Variants in FGD6 observed in about 807,000 individuals in gnomAD.
FGD6 encodes FYVE, RhoGEF and PH domain containing 6.
FGD6 carries 90 observed loss-of-function variants against 149.4 expected under a neutral mutation model. The observed-to-expected ratio is 0.60, with a 90% CI of 0.51 to 0.72. The LOEUF (loss-of-function observed/expected upper bound fraction) is 0.72. Ranked by LOEUF, FGD6 falls within the 30% of genes least tolerant of loss-of-function variation. The probability of loss-of-function intolerance (pLI) is 0.00; values close to 1 mark genes in which losing one functional copy is unlikely to be tolerated. For synonymous variants in FGD6, 527 were observed against 584.0 expected (o/e 0.90, Z 1.41); for missense variants, 1,437 against 1,684.8 (o/e 0.85, Z 2.57).
intron 8 of FGD6, among the ~76,000 whole-genome samples, chr12:95,121,471 ATATATATATG>A (rs1197374479): frequency 3.5e-4 from 22 of 62,948 alleles, no homozygotes; most frequent in South Asian, 1.9e-3. Context: ...AAAGATATAT[ATATATATATG>A]TATATATATA....
At chr12:95,104,418 T>C (rs1466711637) in intron 14 of FGD6, among the ~76,000 whole-genome samples, 5 of 151,938 alleles carry the variant, frequency 3.3e-5, no homozygotes, top group Admixed American at 1.3e-4. Context: ...GGGGAACATA[T>C]GGAGACCCCA....
Position 95,210,560 on chromosome 12 carries a change from G to C in FGD6, c.724C>G (p.His242Asp), listed in dbSNP as rs1279338894. 1.2e-6 allele frequency: 2 copies of C among 1,614,140 alleles called. No homozygotes were observed. Among genetic ancestry groups the C allele is most frequent in the Admixed American group, 3.3e-5 (2 of 60,014 alleles). ...FEKVPDHHSCHLQLPSDECEH... is the reference protein window; with the variant it reads ...FEKVPDHHSCDLQLPSDECEH... ...CATTCATCACTAGGAAGCTGTAAGT[G>C]GCAACTGTGATGATCAGGAACTTTT... The change falls in exon 2 of 21, where the codon CAC becomes GAC. Residue 242 changes from histidine (H) to aspartate (D), a missense_variant. This residue lies in a region of FGD6 where 1,055 missense variants were observed against 1,146.0 expected (regional missense o/e 0.92). Coordinates refer to ENST00000343958, the MANE Select transcript of FGD6 (RefSeq NM_018351.4).
At chr12:95,203,550 TAAG>T (rs2056674118) in intron 2 of FGD6, among the ~76,000 whole-genome samples, 1 of 152,196 alleles carries the variant, frequency 6.6e-6, no homozygotes. Flanking sequence ...AGGGTACAAC[TAAG>T]AAAAAGACAA....
intron 20 of FGD6, 64 bp from the exon 21 acceptor site, chr12:95,081,620 AG>A: frequency 8.8e-7 from 1 of 1,136,052 alleles, no homozygotes. Context: ...AACACCATAT[AG>A]ATGACAGCTG....
At chr12:95,185,396 A>G (rs936758939) in intron 2 of FGD6, among the ~76,000 whole-genome samples, 8 of 152,190 alleles carry the variant, frequency 5.3e-5, no homozygotes, top group African/African-American at 1.7e-4. Flanking sequence ...CAGGATCACA[A>G]ACATTTATCA....
intron 2 of FGD6, among the ~76,000 whole-genome samples, chr12:95,175,982 G>A (rs1230469661): frequency 6.6e-6 from 1 of 151,944 alleles, no homozygotes; most frequent in Non-Finnish European, 1.5e-5. Context: ...GAAAGATAAT[G>A]GTTTAGCAGC....
intron 15 of FGD6, among the ~76,000 whole-genome samples, chr12:95,093,340 G>A (rs1406536438): frequency 6.6e-6 from 1 of 152,150 alleles, no homozygotes; most frequent in Non-Finnish European, 1.5e-5. Flanking sequence ...AAGGTCAGGA[G>A]ATGAAGACCA....
chr12:95,210,009 A>C lies in FGD6; in HGVS notation c.1275T>G (p.Ser425Arg), dbSNP rs1469682126. The C allele has an allele frequency of 1.2e-6, 2 of 1,613,276 alleles. No individual in the cohort carries two copies. Among genetic ancestry groups the C allele is most frequent in the African/African-American group, 2.7e-5 (2 of 74,836 alleles). The change falls in exon 2 of 21, where the codon AGT becomes AGG. Residue 425 changes from serine (S) to arginine (R), a missense_variant. Physicochemically the swap from Ser to Arg is moderately radical, Grantham distance 110. Around this residue, in one of 2 missense-constraint regions of FGD6, gnomAD observed 1,055 missense variants for 1,146.0 expected, o/e 0.92. Coordinates refer to ENST00000343958, the MANE Select transcript of FGD6 (RefSeq NM_018351.4). Reference sequence around the variant, plus strand: ...AACCATCTACAGTTGTGCTGTCAGAACTCAAATTAGAGTCTTTATCAAAAG... The same window carrying C: ...AACCATCTACAGTTGTGCTGTCAGACCTCAAATTAGAGTCTTTATCAAAAG... ...APSFDKDSNLSSDSTTVDGSS... is the reference protein window; with the variant it reads ...APSFDKDSNLRSDSTTVDGSS...
At position 95,092,735 on chromosome 12, in the gene FGD6, G is replaced by A. The variant is rs771617224; in HGVS notation, c.3711C>T (p.Leu1237=). The A allele has an allele frequency of 5.0e-6, 8 of 1,613,998 alleles. No individual in the cohort carries two copies. The Admixed American group carries it at 1.3e-4, about 27-fold the overall frequency. ...CCCGGCAGTGGTGTCGTCTCCAGGT[G>A]AGAGTGAATTCGCTTGTGCAGATCA... ...MCMICTSEFT[L]TWRRHHCRAC... Residue 1237 remains leucine (L), a synonymous_variant, in exon 16 of 21, where the codon CTC becomes CTT. Coordinates refer to ENST00000343958, the MANE Select transcript of FGD6 (RefSeq NM_018351.4).
chr12:95,139,639 T>C (rs1262272477), intron 6 of FGD6, among the ~76,000 whole-genome samples: 1 of 150,510 alleles, frequency 6.6e-6, no homozygotes, highest in Non-Finnish European at 1.5e-5. Flanking sequence ...CCCAGCCAGT[T>C]ATATTTTATT....
chr12:95,214,861 CTTTTTTTTTTTTT>C (rs1171146305), intron 1 of FGD6, among the ~76,000 whole-genome samples: 1 of 129,218 alleles, frequency 7.7e-6, no homozygotes, highest in East Asian at 2.2e-4. Flanking sequence ...CTCCTTTTTT[CTTTTTTTTTTTTT>C]TTTTTTGAGA....
At chr12:95,213,556 G>A (rs143749796) in intron 1 of FGD6, among the ~76,000 whole-genome samples, 1 of 152,228 alleles carries the variant, frequency 6.6e-6, no homozygotes, top group African/African-American at 2.4e-5. Context: ...TACCACAGTT[G>A]GAAGAAAACT....
At chr12:95,103,349 CCAGT>C (rs1878509960) in intron 14 of FGD6, among the ~76,000 whole-genome samples, 1 of 152,292 alleles carries the variant, frequency 6.6e-6, no homozygotes, top group South Asian at 2.1e-4. Flanking sequence ...TCTCCCTTCA[CCAGT>C]CAAACCTTCC....
rs759557214 is a variant in FGD6, at chr12:95,210,977, T to C, written c.307A>G (p.Asn103Asp). 6.2e-7 allele frequency: 1 copy of C among 1,614,246 alleles called. No individual in the cohort carries two copies. The highest frequency in any genetic ancestry group is 1.1e-5 in the South Asian group (1 of 91,084). Residue 103 changes from asparagine (N) to aspartate (D), a missense_variant, in exon 2 of 21, where the codon AAT becomes GAT. Asn to Asp is a conservative substitution (Grantham distance 23). Coordinates refer to ENST00000343958, the MANE Select transcript of FGD6 (RefSeq NM_018351.4). ...FNCKYEGNQS[N>D]DYISPMCSCS... ...GAACACATTGGTGAAATATAATCAT[T>C]GCTCTGATTGCCTTCATATTTACAA...
intron 8 of FGD6, among the ~76,000 whole-genome samples, chr12:95,130,735 AT>A (rs1295109109): frequency 5.5e-4 from 84 of 152,188 alleles, no homozygotes; most frequent in African/African-American, 1.7e-3. Context: ...AAAAAAAAAA[AT>A]CTCAGTGCCT....
At chr12:95,108,587 CA>C in intron 9 of FGD6, 26 bp from the exon 10 acceptor site, 1 of 1,613,198 alleles carries the variant, frequency 6.2e-7, no homozygotes, top group Non-Finnish European at 8.5e-7. Flanking sequence ...ACAAAACGTG[CA>C]TTTAGTAATT....
Position 95,209,048 on chromosome 12 carries a change from G to C in FGD6, c.2236C>G (p.Pro746Ala). 1 of 1,614,028 alleles carries C rather than the reference G, an allele frequency of 6.2e-7. No homozygotes were observed. The highest frequency in any genetic ancestry group is 8.5e-7 in the Non-Finnish European group (1 of 1,180,024). ...TAATGGCGTATATTTTCATACTCCGGTGCACAGAGGCTTGTAACAGACTTG... is the reference window on the plus strand; with the variant it reads ...TAATGGCGTATATTTTCATACTCCGCTGCACAGAGGCTTGTAACAGACTTG... ...PYKSVTSLCA[P>A]EYENIRHYEE... The change falls in exon 2 of 21, where the codon CCG (proline) becomes GCG (alanine). Residue 746 changes from proline to alanine, a missense_variant. Transcript: ENST00000343958.
chr12:95,153,143 G>C (rs763759619), intron 3 of FGD6, 150 bp from the exon 4 acceptor site: 45 of 659,940 alleles, frequency 6.8e-5, no homozygotes, highest in Non-Finnish European at 1.1e-4. Flanking sequence ...GGCAAACGTG[G>C]AGAATTGGAT....
chr12:95,217,241 G>C lies in FGD6; in HGVS notation c.-1C>G. The C allele has an allele frequency of 1.2e-6, 2 of 1,611,968 alleles. No individual in the cohort carries two copies. Among genetic ancestry groups the C allele is most frequent in the Non-Finnish European group, 1.7e-6 (2 of 1,178,644 alleles). On this transcript the variant is annotated 5_prime_UTR_variant, in exon 1 of 21. It adds an upstream start codon to the 5' untranslated region. Coordinates refer to ENST00000343958, the MANE Select transcript of FGD6 (RefSeq NM_018351.4). ...GTCACTTACCGGCTGCAGAAGTCAT[G>C]ATTCCCCGGTGCAGCTCGCTTCCCC... is the stretch of plus-strand genomic sequence containing the variant.
Sources: allele counts gnomAD v4.1 joint callset (sites outside exome capture counted in the v4.1 genomes callset), GRCh38; gene constraint gnomAD v4.1.1; regional missense constraint gnomAD v4.1.1; transcripts MANE v1.5; gene names NCBI Gene and HGNC (gene_info 2026-07-23, HGNC 2026-07-21).